Variants in EML1 observed in about 807,000 individuals in gnomAD.
EML1 encodes echinoderm microtubule-associated protein-like 1.
EML1 carries 27 observed loss-of-function variants against 110.4 expected under a neutral mutation model. That is an observed-to-expected ratio of 0.24 (90% CI 0.18 to 0.34). The LOEUF (loss-of-function observed/expected upper bound fraction) is 0.34. EML1 is among the 10% of genes least tolerant of loss of function. The pLI, the probability that EML1 is intolerant of heterozygous loss-of-function variation, is 1.00. For missense variants in EML1, 741 were observed against 1,030.9 expected (o/e 0.72, Z 3.85); for synonymous variants, 344 against 385.8 (o/e 0.89, Z 1.27).
intron 1 of EML1, among the ~76,000 whole-genome samples, chr14:99,744,474 G>A (rs1412768369): frequency 1.3e-5 from 2 of 152,166 alleles, no homozygotes; most frequent in Admixed American, 1.3e-4. Context: ...AGAGGACAGA[G>A]TGTGTCTCTC....
At chr14:99,902,568 A>G (rs1306155185) in intron 9 of EML1, among the ~76,000 whole-genome samples, 2 of 152,254 alleles carry the variant, frequency 1.3e-5, no homozygotes, top group Non-Finnish European at 2.9e-5. Context: ...TAGTTTGGAA[A>G]AATAAGCCTT....
chr14:99,813,434 G>A lies in EML1; in HGVS notation c.67+19891G>A, dbSNP rs541135770. Among the ~76,000 whole-genome samples the A allele has an allele frequency of 3.9e-5, 6 of 152,294 alleles. No homozygotes were observed. The South Asian group carries it at 1.0e-3, about 26-fold the overall frequency. On this transcript the variant is annotated intron_variant, in intron 1 of 21. Transcript: ENST00000262233. ...TTACCTATTAAAAACGATTGAGATG[G>A]CCAGGTGTGGTGGCTCACGCCTGTA...
intron 1 of EML1, among the ~76,000 whole-genome samples, chr14:99,814,249 G>A (rs865901197): frequency 3.3e-5 from 5 of 152,072 alleles, no homozygotes; most frequent in Admixed American, 1.3e-4. Flanking sequence ...TCAAAAGGAA[G>A]GTCAAAGGAA....
chr14:99,855,561 G>T (rs1414036261), intron 2 of EML1, among the ~76,000 whole-genome samples: 1 of 152,194 alleles, frequency 6.6e-6, no homozygotes, highest in Non-Finnish European at 1.5e-5. Context: ...TATAGTCATT[G>T]TGCCATGTAT....
In EML1 at chr14:99,841,130, C is replaced by T. The variant is rs79332040; in HGVS notation, c.68-9723C>T. On this transcript the variant is annotated intron_variant, in intron 1 of 21. Transcript: ENST00000262233. ...CTGTCCTTTTGCCACTGGTCGTGTGCTGCCAAGTGGGAGGGCTCGTGTGGC... is the reference window on the plus strand; with the variant it reads ...CTGTCCTTTTGCCACTGGTCGTGTGTTGCCAAGTGGGAGGGCTCGTGTGGC... Among the ~76,000 whole-genome samples, 367 of 152,298 alleles carry T rather than the reference C, an allele frequency of 2.4e-3. 8 individuals carry two copies. The East Asian group carries it at 0.031, about 13-fold the overall frequency.
intron 17 of EML1, among the ~76,000 whole-genome samples, chr14:99,933,736 G>A (rs969677225): frequency 4.6e-5 from 7 of 152,170 alleles, no homozygotes; most frequent in Non-Finnish European, 8.8e-5. Context: ...ACGAAGATAC[G>A]AAAATTAAAT....
intron 4 of EML1, among the ~76,000 whole-genome samples, chr14:99,882,821 A>G (rs1386877650): frequency 4.1e-5 from 6 of 145,944 alleles, no homozygotes; most frequent in Non-Finnish European, 8.8e-5. Context: ...GTCAACAAAC[A>G]TGAAAAAAAA....
rs770758489 is a variant in EML1, at chr14:99,939,318, G to A, written c.2313G>A (p.Ser771=). 18 of 1,614,098 alleles carry A rather than the reference G, an allele frequency of 1.1e-5. No individual in the cohort carries two copies. The highest frequency in any genetic ancestry group is 6.7e-5 in the East Asian group (3 of 44,894). ...TGCACCTCTTCTCATACCCCTGCTCGCAGTTCAGGGTAAAGGACTTGTTTC... is the reference window on the plus strand; with the variant it reads ...TGCACCTCTTCTCATACCCCTGCTCACAGTTCAGGGTAAAGGACTTGTTTC... ...GKVHLFSYPC[S]QFRAPSHIYG... The change falls in exon 21 of 22, where the codon TCG becomes TCA. Residue 771 remains serine (S), a synonymous_variant. Coordinates refer to ENST00000262233, the MANE Select transcript of EML1 (RefSeq NM_004434.3). The surrounding 1 kb of genome is among the most constrained non-coding windows in gnomAD (Gnocchi z 4.2).
Position 99,849,505 on chromosome 14 carries a change from T to TTGTGTGTGTG in EML1, c.68-1332_68-1323dup, listed in dbSNP as rs764449866. On this transcript the variant is annotated intron_variant, in intron 1 of 21. Coordinates refer to ENST00000262233, the MANE Select transcript of EML1 (RefSeq NM_004434.3). ...GTATCTCATAATTGTGTGTGTGTAT[T>TTGTGTGTGTG]TGTGTGTGTGTGTGTGTGTGTGTGT... Among the ~76,000 whole-genome samples, 241 of 149,114 alleles carry TTGTGTGTGTG rather than the reference T, an allele frequency of 1.6e-3. 1 individual carries two copies. Among genetic ancestry groups the TTGTGTGTGTG allele is most frequent in the African/African-American group, 5.5e-3 (221 of 40,128 alleles).
chr14:99,759,569 G>A (rs10131227), intron 1 of EML1, among the ~76,000 whole-genome samples: 5,510 of 152,288 alleles, frequency 0.036, 333 homozygotes, highest in African/African-American at 0.12. Context: ...GACACTTCCT[G>A]TCCTTTCATC....
intron 1 of EML1, among the ~76,000 whole-genome samples, chr14:99,742,430 G>A (rs2057053657): frequency 6.6e-6 from 1 of 152,160 alleles, no homozygotes; most frequent in Non-Finnish European, 1.5e-5. Flanking sequence ...TGGAGGAATT[G>A]GAAGGAGGAT....
At chr14:99,828,632 G>A (rs2058399616) in intron 1 of EML1, among the ~76,000 whole-genome samples, 1 of 151,992 alleles carries the variant, frequency 6.6e-6, no homozygotes. Flanking sequence ...ACAATATAGG[G>A]GTTACGGGTG....
At chr14:99,866,917 A>G (rs2059112523) in intron 3 of EML1, among the ~76,000 whole-genome samples, 1 of 152,122 alleles carries the variant, frequency 6.6e-6, no homozygotes, top group Non-Finnish European at 1.5e-5. Context: ...TTGTGTGTAT[A>G]TATCATATTT....
At chr14:99,897,402 A>AAAAT (rs978025966) in intron 7 of EML1, 108 bp downstream of exon 7, 31 of 1,062,576 alleles carry the variant, frequency 2.9e-5, no homozygotes, top group South Asian at 1.7e-4. Context: ...CCCTGTCTCT[A>AAAAT]AAATAAATAA....
At chr14:99,761,030 A>G (rs1409210146) in intron 1 of EML1, among the ~76,000 whole-genome samples, 1 of 152,130 alleles carries the variant, frequency 6.6e-6, no homozygotes, top group Non-Finnish European at 1.5e-5. Context: ...CAAGGCTCGT[A>G]AAGTGTTTTC....
At chr14:99,927,532 T>C (rs574013658) in intron 17 of EML1, among the ~76,000 whole-genome samples, 1 of 152,276 alleles carries the variant, frequency 6.6e-6, no homozygotes, top group South Asian at 2.1e-4. Context: ...AGTGCCTAGA[T>C]CCATAAAGGT....
At chr14:99,749,336 G>A (rs917316336) in intron 1 of EML1, among the ~76,000 whole-genome samples, 6 of 151,888 alleles carry the variant, frequency 4.0e-5, no homozygotes, top group African/African-American at 9.7e-5. Context: ...CTGTCTTCTC[G>A]CCCCCCCAGC....
At chr14:99,907,930 T>C (rs913859537) in intron 10 of EML1, among the ~76,000 whole-genome samples, 197 bp downstream of exon 10, 1 of 152,258 alleles carries the variant, frequency 6.6e-6, no homozygotes, top group African/African-American at 2.4e-5. Flanking sequence ...GTTTTTTCTC[T>C]TTTCGCCATG....
chr14:99,830,241 C>G (rs540538525), intron 1 of EML1, among the ~76,000 whole-genome samples: 2 of 152,108 alleles, frequency 1.3e-5, no homozygotes, highest in Admixed American at 6.5e-5. Context: ...TCTGTAATGA[C>G]TAGTGATGTT....
Sources: allele counts gnomAD v4.1 joint callset (sites outside exome capture counted in the v4.1 genomes callset), GRCh38; gene constraint gnomAD v4.1.1; non-coding constraint Gnocchi (gnomAD v3.1); transcripts MANE v1.5; gene names NCBI Gene and HGNC (gene_info 2026-07-23, HGNC 2026-07-21).